MEGF11: variants seen among roughly 807,000 people sequenced by gnomAD.
The protein encoded by MEGF11 is multiple epidermal growth factor-like domains protein 11.
MEGF11 carries 126 observed loss-of-function variants against 146.6 expected under a neutral mutation model. The ratio of observed to expected loss-of-function variants is 0.86; its 90% confidence interval spans 0.74 to 1.00. The LOEUF (loss-of-function observed/expected upper bound fraction) is 1.00. Ranked by LOEUF, MEGF11 falls within the 50% of genes least tolerant of loss-of-function variation. MEGF11 has a pLI of 0.00. For missense variants in MEGF11, 1,509 were observed against 1,521.2 expected, an observed-to-expected ratio of 0.99 and a Z score of 0.13; for synonymous variants, 532 against 583.4, an observed-to-expected ratio of 0.91 and a Z score of 1.27.
intron 19 of MEGF11, 55 bp from the exon 20 acceptor site, chr15:65,914,028 T>G: frequency 6.9e-6 from 10 of 1,440,608 alleles, no homozygotes; most frequent in Non-Finnish European, 9.7e-6. Flanking sequence ...GCTTCAGGTC[T>G]CCTGGGCCTG....
intron 5 of MEGF11, among the ~76,000 whole-genome samples, chr15:66,035,485 G>A (rs74368114): frequency 6.6e-6 from 1 of 152,094 alleles, no homozygotes; most frequent in Admixed American, 6.5e-5. Flanking sequence ...TCCCTGGCCT[G>A]GGAGGCCCTT....
chr15:66,220,699 G>A (rs2091714493), intron 1 of MEGF11, among the ~76,000 whole-genome samples: 1 of 151,812 alleles, frequency 6.6e-6, no homozygotes, highest in African/African-American at 2.4e-5. Context: ...CACCGTGCCT[G>A]GCTAATTTTT....
At chr15:66,000,050 G>A (rs936428442) in intron 5 of MEGF11, among the ~76,000 whole-genome samples, 8 of 152,174 alleles carry the variant, frequency 5.3e-5, no homozygotes, top group Non-Finnish European at 1.2e-4. Context: ...GAAGGCCACT[G>A]CCTCAGTTAT....
intron 10 of MEGF11, among the ~76,000 whole-genome samples, chr15:65,957,017 A>G (rs2080666850): frequency 6.6e-6 from 1 of 152,188 alleles, no homozygotes; most frequent in Admixed American, 6.5e-5. Flanking sequence ...TAAGGAAATA[A>G]TTCAAGGGTG....
chr15:66,078,368 A>G (rs537049931), intron 5 of MEGF11, among the ~76,000 whole-genome samples: 29 of 152,262 alleles, frequency 1.9e-4, no homozygotes, highest in African/African-American at 7.0e-4. Flanking sequence ...GAGAGCTCAC[A>G]CTTGCCGTAG....
intron 23 of MEGF11, 65 bp downstream of exon 23, chr15:65,908,969 G>T: frequency 9.8e-7 from 1 of 1,017,690 alleles, no homozygotes; most frequent in Non-Finnish European, 1.5e-6. Context: ...TGCAGGGATG[G>T]GGATTAGGGC....
chr15:66,095,250 CTCTT>C (rs1352999062), intron 4 of MEGF11, among the ~76,000 whole-genome samples: 2 of 152,152 alleles, frequency 1.3e-5, no homozygotes, highest in African/African-American at 2.4e-5. Context: ...AATTATTTTT[CTCTT>C]TCTTTGACAG....
At chr15:66,246,196 G>C (rs1414135330) in intron 1 of MEGF11, among the ~76,000 whole-genome samples, 1 of 152,214 alleles carries the variant, frequency 6.6e-6, no homozygotes, top group Non-Finnish European at 1.5e-5. Context: ...GGGAGAGTTT[G>C]CAATGAGCAG....
At position 65,917,966 on chromosome 15, in the gene MEGF11, C is replaced by G. The variant is rs1230696043; in HGVS notation, c.2086G>C (p.Ala696Pro). 6.2e-7 allele frequency: 1 copy of G among 1,613,962 alleles called. No homozygotes were observed. The highest frequency in any genetic ancestry group is 1.1e-5 in the South Asian group (1 of 91,078). The change falls in exon 16 of 26, where the codon GCT becomes CCT. Residue 696 changes from alanine (A) to proline (P), a missense_variant and splice_region_variant. Physicochemically the swap from Ala to Pro is conservative, Grantham distance 27. Transcript: ENST00000395614. ...PGWIGKDCSQ[A>P]CPPGFWGPAC... ...GCATTCCCAGGTGGCAGCAGCTTAC[C>G]CTGTGAGCAGTCCTTGCCAATCCAT... is the stretch of plus-strand genomic sequence containing the variant.
chr15:65,895,746 T>G lies in MEGF11; in HGVS notation c.*2188A>C, dbSNP rs1403140504. The G allele has an allele frequency of 6.6e-6, 1 of 152,622 alleles. No individual in the cohort carries two copies. Among genetic ancestry groups the G allele is most frequent in the Non-Finnish European group, 1.5e-5 (1 of 68,034 alleles). 9.5% of individuals were successfully genotyped at this position (152,622 alleles called of 1,614,324 possible). On this transcript the variant is annotated 3_prime_UTR_variant, in exon 26 of 26. Coordinates refer to ENST00000395614, the MANE Select transcript of MEGF11 (RefSeq NM_001385028.1). ...ATTTCCTTAAAAAGTCATGGACTGC[T>G]AGAGCTGAAGGGTTAGTAGAGCTGT... is the stretch of plus-strand genomic sequence containing the variant.
intron 1 of MEGF11, among the ~76,000 whole-genome samples, chr15:66,210,133 G>A (rs1280706874): frequency 6.6e-6 from 1 of 152,140 alleles, no homozygotes; most frequent in Admixed American, 6.6e-5. Context: ...GCCTGGAAAT[G>A]TTCTATATTT....
intron 1 of MEGF11, among the ~76,000 whole-genome samples, chr15:66,238,114 C>T (rs1345332247): frequency 5.9e-5 from 9 of 152,296 alleles, no homozygotes; most frequent in Non-Finnish European, 1.5e-5. Flanking sequence ...ACTCTCAGCG[C>T]CTGCTGATGA....
chr15:65,908,308 A>G (rs1596818464), intron 23 of MEGF11, among the ~76,000 whole-genome samples: 1 of 152,178 alleles, frequency 6.6e-6, no homozygotes, highest in Admixed American at 6.5e-5. Context: ...TGTCTGGTAT[A>G]CCAAGGCCCT....
At chr15:66,097,191 T>C (rs1395199833) in intron 4 of MEGF11, among the ~76,000 whole-genome samples, 1 of 152,216 alleles carries the variant, frequency 6.6e-6, no homozygotes, top group East Asian at 1.9e-4. Context: ...CATGAAATAT[T>C]GATAGCAAAT....
At chr15:65,996,597 T>C (rs1567195323) in intron 5 of MEGF11, among the ~76,000 whole-genome samples, 1 of 152,144 alleles carries the variant, frequency 6.6e-6, no homozygotes, top group African/African-American at 2.4e-5. Flanking sequence ...GTGATTCTCC[T>C]GCTTCAGCCT....
chr15:66,094,552 C>T, intron 4 of MEGF11, 58 bp from the exon 5 acceptor site: 1 of 1,428,024 alleles, frequency 7.0e-7, no homozygotes, highest in Non-Finnish European at 9.6e-7. Context: ...AACCAACCAT[C>T]TGGTCAAGGA....
At chr15:66,091,463 A>G (rs1050687640) in intron 5 of MEGF11, among the ~76,000 whole-genome samples, 10 of 152,220 alleles carry the variant, frequency 6.6e-5, no homozygotes, top group Admixed American at 5.9e-4. Flanking sequence ...AGAAGGAGGT[A>G]GAGTTATAAG....
chr15:66,236,368 A>G (rs1037149104), intron 1 of MEGF11, among the ~76,000 whole-genome samples: 1 of 152,168 alleles, frequency 6.6e-6, no homozygotes, highest in Non-Finnish European at 1.5e-5. Context: ...AGGCAGGGAC[A>G]TGGTCCAGTT....
intron 1 of MEGF11, among the ~76,000 whole-genome samples, chr15:66,150,823 CGAGAGAGAGAGAGAGAGAGA>C (rs66595752): frequency 0.081 from 8,433 of 104,380 alleles, 384 homozygotes; most frequent in East Asian, 0.29. Context: ...AATGCCCTGT[CGAGAGAGAGAGAGAGAGAGA>C]GAGAGAGAGA....
Sources: gnomAD v4.1 joint callset for allele counts (sites outside exome capture counted in the v4.1 genomes callset) on GRCh38, gnomAD v4.1.1 for gene constraint, MANE v1.5 for transcripts, NCBI Gene and HGNC (gene_info 2026-07-23, HGNC 2026-07-21) for gene names.